The following ASIC2 variants were observed in gnomAD, a reference collection of about 807,000 sequenced individuals.
ASIC2 encodes acid-sensing ion channel 2.
ASIC2 carries 25 observed loss-of-function variants against 57.3 expected under a neutral mutation model. That is an observed-to-expected ratio of 0.44 (90% confidence interval 0.32 to 0.61). ASIC2 has a LOEUF of 0.61. ASIC2 is among the 20% of genes least tolerant of loss of function. The pLI is 0.06. For missense variants in ASIC2, 641 were observed against 738.1 expected (o/e 0.87, Z 1.52); for synonymous variants, 319 against 307.5 (o/e 1.04, Z -0.39).
intron 1 of ASIC2, among the ~76,000 whole-genome samples, chr17:33,881,086 A>C (rs1050688733): frequency 3.3e-5 from 5 of 152,182 alleles, no homozygotes; most frequent in Admixed American, 6.5e-5. Flanking sequence ...ACTCTCAATA[A>C]ATTAAGTATT....
At chr17:33,558,928 C>T (rs1021811126) in intron 1 of ASIC2, among the ~76,000 whole-genome samples, 8 of 152,012 alleles carry the variant, frequency 5.3e-5, no homozygotes, top group African/African-American at 7.2e-5. Context: ...CCACCACGCC[C>T]GATTAAGTTT....
At chr17:33,508,293 A>G (rs927742762) in intron 1 of ASIC2, among the ~76,000 whole-genome samples, 1 of 152,152 alleles carries the variant, frequency 6.6e-6, no homozygotes, top group Non-Finnish European at 1.5e-5. Context: ...GTACAACAAG[A>G]GCCTTCTTCT....
intron 2 of ASIC2, among the ~76,000 whole-genome samples, chr17:33,105,905 TGA>T (rs748653034): frequency 4.6e-5 from 7 of 152,168 alleles, no homozygotes; most frequent in Admixed American, 2.0e-4. Flanking sequence ...ACTTTGAACT[TGA>T]GAGAGACGAT....
intron 1 of ASIC2, among the ~76,000 whole-genome samples, chr17:33,864,820 G>A (rs1914190280): frequency 6.6e-6 from 1 of 152,132 alleles, no homozygotes; most frequent in Non-Finnish European, 1.5e-5. Flanking sequence ...AGATCACAAA[G>A]ATACACCTAA....
At chr17:33,937,299 G>A (rs1458976174) in intron 1 of ASIC2, among the ~76,000 whole-genome samples, 4 of 152,080 alleles carry the variant, frequency 2.6e-5, no homozygotes, top group Non-Finnish European at 5.9e-5. Context: ...ATGGGGTTTC[G>A]CCATGTTGGT....
intron 1 of ASIC2, among the ~76,000 whole-genome samples, chr17:33,725,442 G>A (rs1015423685): frequency 3.9e-5 from 6 of 152,044 alleles, no homozygotes; most frequent in African/African-American, 1.4e-4. Context: ...AGTGATGGGC[G>A]TTAGGGTCAG....
At chr17:33,909,818 C>A (rs548538159) in intron 1 of ASIC2, among the ~76,000 whole-genome samples, 86 of 152,252 alleles carry the variant, frequency 5.6e-4, no homozygotes, top group Non-Finnish European at 1.1e-3. Flanking sequence ...AGGACATGAA[C>A]CAAAAGAGGC....
At chr17:33,684,928 T>C (rs547083803) in intron 1 of ASIC2, among the ~76,000 whole-genome samples, 76 of 152,272 alleles carry the variant, frequency 5.0e-4, no homozygotes, top group African/African-American at 1.8e-3. Context: ...TGAAACCAGA[T>C]ATTATGCGGA....
At chr17:33,991,379 G>C (rs1905995173) in intron 1 of ASIC2, among the ~76,000 whole-genome samples, 1 of 152,206 alleles carries the variant, frequency 6.6e-6, no homozygotes, top group Non-Finnish European at 1.5e-5. Flanking sequence ...TCCCAGTCAA[G>C]TTCTCTTTCT....
intron 1 of ASIC2, among the ~76,000 whole-genome samples, chr17:33,304,887 G>C (rs1336697737): frequency 1.3e-5 from 2 of 152,012 alleles, no homozygotes; most frequent in Non-Finnish European, 2.9e-5. Context: ...CCCTTGGCTG[G>C]ATCTCCATAG....
Position 33,772,772 on chromosome 17 carries a change from G to A in ASIC2, c.555+383206C>T, listed in dbSNP as rs79769709. ...CTAAAACCTGTCTCTTGAGGAAAGCGGGGAGGCTTGGGCTTCCTATCAGTG... is the reference window on the plus strand; with the variant it reads ...CTAAAACCTGTCTCTTGAGGAAAGCAGGGAGGCTTGGGCTTCCTATCAGTG... On this transcript the variant is annotated intron_variant, in intron 1 of 9. Transcript: ENST00000359872. 2.1e-3 allele frequency among the ~76,000 whole-genome samples: 317 copies of A among 152,282 alleles called. 1 individual carries two copies. Among genetic ancestry groups the A allele is most frequent in the African/African-American group, 7.4e-3 (307 of 41,572 alleles).
At chr17:34,085,074 T>C (rs1244328668) in intron 1 of ASIC2, among the ~76,000 whole-genome samples, 2 of 152,168 alleles carry the variant, frequency 1.3e-5, no homozygotes. Flanking sequence ...TCCAACACTA[T>C]GTTGGATAGG....
chr17:33,737,485 A>ATTTTTTTTTTTTT (rs1176628062), intron 1 of ASIC2, among the ~76,000 whole-genome samples: 7 of 151,034 alleles, frequency 4.6e-5, no homozygotes, highest in Non-Finnish European at 7.4e-5. Flanking sequence ...CGGATTAGAA[A>ATTTTTTTTTTTTT]TATTTTTAAT....
chr17:33,516,326 G>A (rs567312383), intron 1 of ASIC2, among the ~76,000 whole-genome samples: 39 of 151,938 alleles, frequency 2.6e-4, no homozygotes, highest in Admixed American at 2.6e-4. Context: ...TAATCACAGC[G>A]TATGAGTGTG....
chr17:33,235,939 C>T lies in ASIC2; in HGVS notation c.708+55469G>A, dbSNP rs544245050. Among the ~76,000 whole-genome samples, 19 of 151,958 alleles carry T rather than the reference C, an allele frequency of 1.3e-4. 1 individual carries two copies. The highest frequency in any genetic ancestry group is 5.9e-4 in the East Asian group (3 of 5,100). ...GCGACCTCCTCCTCCCGGGTTCAAG[C>T]GATTCTCCTGCCTCAGCCTCCCGAG... On this transcript the variant is annotated intron_variant, in intron 1 of 9. Coordinates refer to ENST00000225823, the MANE Select transcript of ASIC2 (RefSeq NM_183377.2).
rs1907967839 is a variant in ASIC2, at chr17:34,038,254, C to T, written c.555+117724G>A. On this transcript the variant is annotated intron_variant, in intron 1 of 9. Transcript: ENST00000359872. ...TAATGGACCGGGCCTCTTTCTCTGA[C>T]ATTAATTTGTGCTGTTTCAGGTAGA... The T allele has an allele frequency of 3.1e-6, 5 of 1,610,846 alleles. No homozygotes were observed. In the Admixed American group the frequency reaches 6.7e-5, roughly 21 times the overall value.
intron 1 of ASIC2, among the ~76,000 whole-genome samples, chr17:33,737,749 T>G (rs368655885): frequency 4.5e-4 from 69 of 151,704 alleles, no homozygotes; most frequent in African/African-American, 1.4e-3. Flanking sequence ...AGCGTCCACC[T>G]GCATATAATA....
chr17:33,151,179 ACG>A (rs1207581221), intron 1 of ASIC2, among the ~76,000 whole-genome samples: 1 of 115,618 alleles, frequency 8.6e-6, no homozygotes, highest in African/African-American at 3.7e-5. Flanking sequence ...ACACACACAC[ACG>A]CACACACACA....
At chr17:33,372,323 A>C (rs1434290494) in intron 1 of ASIC2, among the ~76,000 whole-genome samples, 1 of 151,914 alleles carries the variant, frequency 6.6e-6, no homozygotes, top group Non-Finnish European at 1.5e-5. Context: ...AAAAAGCAAG[A>C]TCAGAAGGTG....
Sources: allele counts gnomAD v4.1 joint callset (sites outside exome capture counted in the v4.1 genomes callset), GRCh38; gene constraint gnomAD v4.1.1; transcripts MANE v1.5; gene names NCBI Gene and HGNC (gene_info 2026-07-23, HGNC 2026-07-21).